MS4A6E: variants seen among roughly 807,000 people sequenced by gnomAD.
MS4A6E encodes membrane spanning 4-domains A6E, also known as membrane-spanning 4-domains subfamily A member 6E.
In MS4A6E, 8 loss-of-function variants were observed where a neutral mutation model predicts 13.2. The ratio of observed to expected loss-of-function variants is 0.60; its 90% CI spans 0.35 to 1.09. The LOEUF (loss-of-function observed/expected upper bound fraction) is 1.09. MS4A6E is among the 50% of genes least tolerant of loss of function. The pLI, the probability that MS4A6E is intolerant of heterozygous loss-of-function variation, is 0.02. For missense variants in MS4A6E, 177 were observed against 171.1 expected (o/e 1.03, Z -0.19); for synonymous variants, 72 against 67.6 (o/e 1.06, Z -0.32).
At chr11:60,341,891 A>G (rs1187559051), downstream of MS4A6E, among the ~76,000 whole-genome samples, 2 of 152,046 alleles carry the variant, frequency 1.3e-5, no homozygotes, top group East Asian at 3.9e-4. Flanking sequence ...TTATTTGCCT[A>G]TTGTGGACAT....
intron 4 of MS4A6E, among the ~76,000 whole-genome samples, chr11:60,340,404 G>A (rs1457529237): frequency 6.6e-6 from 1 of 152,188 alleles, no homozygotes; most frequent in African/African-American, 2.4e-5. Context: ...ACTGGATCCA[G>A]TGAATGTCTT....
intron 4 of MS4A6E, among the ~76,000 whole-genome samples, chr11:60,347,410 C>T (rs77447142): frequency 0.012 from 1,835 of 151,964 alleles, 35 homozygotes; most frequent in African/African-American, 0.042. Flanking sequence ...AAGTCTCCAC[C>T]GCAGTGGGCC....
chr11:60,347,986 A>ATGG (rs1311161691), intron 4 of MS4A6E, among the ~76,000 whole-genome samples: 9 of 152,068 alleles, frequency 5.9e-5, no homozygotes, highest in Admixed American at 3.9e-4. Flanking sequence ...TAAAGTGTTT[A>ATGG]CCCTTAGACA....
intron 1 of MS4A6E, among the ~76,000 whole-genome samples, chr11:60,331,806 A>G (rs1445891626): frequency 1.3e-5 from 2 of 152,230 alleles, no homozygotes; most frequent in Non-Finnish European, 2.9e-5. Flanking sequence ...CGATAAGGTA[A>G]CAAAGGTGGA....
Position 60,336,421 on chromosome 11 carries a change from C to G in MS4A6E, c.148-1320C>G, listed in dbSNP as rs1590775112. ...CTTTTAGTAGGAAATATATGGGCCT[C>G]TTACTCCAGAGAACAATCCCACAGT... On this transcript the variant is annotated intron_variant, in intron 2 of 4. Coordinates refer to ENST00000684409, the MANE Select transcript of MS4A6E (RefSeq NM_139249.4). Among the ~76,000 whole-genome samples the G allele has an allele frequency of 2.0e-5, 3 of 152,250 alleles. No individual in the cohort carries two copies. In the East Asian group the frequency reaches 5.8e-4, roughly 29 times the overall value.
downstream of MS4A6E, among the ~76,000 whole-genome samples, chr11:60,341,597 GCACACACACA>G (rs61458299): frequency 6.6e-6 from 1 of 150,380 alleles, no homozygotes; most frequent in Non-Finnish European, 1.5e-5. Context: ...GCACACACAC[GCACACACACA>G]CACACACGTG....
chr11:60,347,581 GAA>G (rs112099637), intron 4 of MS4A6E, among the ~76,000 whole-genome samples: 44 of 115,668 alleles, frequency 3.8e-4, no homozygotes, highest in African/African-American at 1.2e-3. Flanking sequence ...AGAGAACTGA[GAA>G]AAAAAAAAAA....
chr11:60,347,907 T>A (rs1354216759), intron 4 of MS4A6E, among the ~76,000 whole-genome samples: 1 of 152,204 alleles, frequency 6.6e-6, no homozygotes, highest in Non-Finnish European at 1.5e-5. Context: ...TAGTTACATT[T>A]GGGCAAGACT....
intron 2 of MS4A6E, chr11:60,335,442 A>T (rs2085182544): frequency 2.6e-6 from 1 of 378,346 alleles, no homozygotes; most frequent in Admixed American, 3.6e-5. Context: ...TACAGAAAAA[A>T]TATACCTCCT....
chr11:60,348,860 C>T (rs1269588376), intron 4 of MS4A6E, among the ~76,000 whole-genome samples: 1 of 152,086 alleles, frequency 6.6e-6, no homozygotes, highest in Non-Finnish European at 1.5e-5. Context: ...CATGGGATGC[C>T]CGGGATTTTT....
rs778506615 is a variant in MS4A6E at position 60,335,020 on chromosome 11, A to G, written c.125A>G (p.Gln42Arg). The G allele has an allele frequency of 5.6e-6, 9 of 1,614,172 alleles. No homozygotes were observed. Among genetic ancestry groups the G allele is most frequent in the Non-Finnish European group, 6.8e-6 (8 of 1,180,010 alleles). The change falls in exon 2 of 5, where the codon CAG (glutamine) becomes CGG (arginine). Residue 42 changes from glutamine to arginine, a missense_variant. Physicochemically the swap from Gln to Arg is conservative, Grantham distance 43. Transcript: ENST00000684409. The part of the protein sequence containing the change: ...QGQDSLKKRL[Q>R]AKVKVIGVHS... The stretch of plus-strand genomic sequence containing the variant: ...CAGGATAGCCTGAAGAAACGTCTAC[A>G]GGCAAAAGTCAAAGTTATTGGGGTA...
At position 60,339,895 on chromosome 11, in the gene MS4A6E, T is replaced by C. The variant is rs769362783; in HGVS notation, c.384T>C (p.Thr128=). 9.3e-6 allele frequency: 15 copies of C among 1,613,746 alleles called. No homozygotes were observed. The highest frequency in any genetic ancestry group is 1.7e-5 in the Admixed American group (1 of 60,006). Residue 128 remains threonine, a synonymous_variant, in exon 4 of 5, where the codon ACT becomes ACC. Coordinates refer to ENST00000684409, the MANE Select transcript of MS4A6E (RefSeq NM_139249.4). The part of the protein sequence containing the change: ...AGTLSLMLVS[T]VLEFCLAVLT... ...CTCTGTCTCTGATGCTGGTTTCTAC[T>C]GTGTTGGAGTTCTGCCTAGCTGTGC...
chr11:60,330,700 GT>G (rs2085149648), intron 1 of MS4A6E, among the ~76,000 whole-genome samples: 1 of 152,170 alleles, frequency 6.6e-6, no homozygotes, highest in South Asian at 2.1e-4. Context: ...CTATGCCTAT[GT>G]CCTGAATGGT....
intron 4 of MS4A6E, among the ~76,000 whole-genome samples, chr11:60,348,161 TTAAAGG>T (rs1178084956): frequency 1.3e-5 from 2 of 152,158 alleles, no homozygotes; most frequent in Non-Finnish European, 2.9e-5. Flanking sequence ...CTCCTAATGG[TTAAAGG>T]TAGAGTTTTT....
In MS4A6E at chr11:60,339,809, G is replaced by A. The variant is rs1169991464; in HGVS notation, c.355-57G>A. On this transcript the variant is annotated intron_variant, in intron 3 of 4. Coordinates refer to ENST00000684409, the MANE Select transcript of MS4A6E (RefSeq NM_139249.4). ...CATCTCTATGGTCACCTCTAAACTAGGCATGAAAGCTTCGGCTGACCCAAG... is the reference window on the plus strand; with the variant it reads ...CATCTCTATGGTCACCTCTAAACTAAGCATGAAAGCTTCGGCTGACCCAAG... 5.5e-6 allele frequency: 8 copies of A among 1,466,796 alleles called. No individual in the cohort carries two copies. The African/African-American group carries it at 1.1e-4, about 20-fold the overall frequency. The allele number at this position is 1,466,796 out of a possible 1,614,324, so 90.9% of individuals were successfully genotyped here. A position where few individuals can be genotyped will look rare whatever the true frequency, so the allele number is the denominator to read the frequency against.
chr11:60,339,864 A>C lies in MS4A6E; in HGVS notation c.355-2A>C. 6.2e-7 allele frequency: 1 copy of C among 1,613,004 alleles called. No homozygotes were observed. The highest frequency in any genetic ancestry group is 8.5e-7 in the Non-Finnish European group (1 of 1,179,150). On this transcript the variant is annotated splice_acceptor_variant, in intron 3 of 4. Transcript: ENST00000684409. LOFTEE classifies it high-confidence loss of function. ...ACTGATATTTTATTTCTTGACTTTC[A>C]GGGAACTCTGTCTCTGATGCTGGTT...
intron 1 of MS4A6E, among the ~76,000 whole-genome samples, chr11:60,334,016 C>T (rs958885895): frequency 1.3e-5 from 2 of 152,152 alleles, no homozygotes; most frequent in African/African-American, 4.8e-5. Context: ...CTGGAGAAAA[C>T]CCTGAAGTCC....
At chr11:60,342,176 T>A (rs865869620), downstream of MS4A6E, among the ~76,000 whole-genome samples, 1 of 37,790 alleles carries the variant, frequency 2.6e-5, no homozygotes, top group South Asian at 8.0e-4. Context: ...TGTGTGTGTG[T>A]GTGAGAGAGA....
intron 4 of MS4A6E, among the ~76,000 whole-genome samples, chr11:60,347,403 TCTCCACCGCAG>T (rs2085261036): frequency 6.6e-6 from 1 of 151,884 alleles, no homozygotes; most frequent in African/African-American, 2.4e-5. Flanking sequence ...TAAAATCAAG[TCTCCACCGCAG>T]TGGGCCAAGT....
Sources: allele counts gnomAD v4.1 joint callset (sites outside exome capture counted in the v4.1 genomes callset), GRCh38; gene constraint gnomAD v4.1.1; transcripts MANE v1.5; gene names NCBI Gene and HGNC (gene_info 2026-07-23, HGNC 2026-07-21).